Variants in RBFOX1 observed in about 807,000 individuals in gnomAD.
RBFOX1 encodes the protein RNA binding protein fox-1 homolog 1.
Under a neutral mutation model 57.7 loss-of-function variants are expected in RBFOX1, and 8 were observed. The observed-to-expected ratio is 0.14, with a 90% CI of 0.08 to 0.25. The LOEUF (loss-of-function observed/expected upper bound fraction) is 0.25, where lower values mean the gene tolerates loss of function less well. Among genes scored for constraint, RBFOX1 ranks in the 10% least tolerant of loss-of-function variants. The probability of loss-of-function intolerance (pLI) is 1.00; values close to 1 mark genes in which losing one functional copy is unlikely to be tolerated. For missense variants in RBFOX1, 611 were observed against 548.5 expected (o/e 1.11, Z -1.14); for synonymous variants, 326 against 222.4 (o/e 1.47, Z -4.15).
chr16:6,003,094 A>T lies in RBFOX1; in HGVS notation c.351+135759A>T, dbSNP rs189394223. Among the ~76,000 whole-genome samples the T allele has an allele frequency of 7.2e-5, 11 of 152,180 alleles. No individual in the cohort carries two copies. In the South Asian group the frequency reaches 1.5e-3, roughly 20 times the overall value. On this transcript the variant is annotated intron_variant, in intron 4 of 19. Coordinates refer to the RBFOX1 transcript ENST00000641259. ...GGAGATCGAGATCATCCTGGCTAAC[A>T]TGGTGAAACCCCGTCTCTACTAAAA...
At chr16:6,278,377 C>CAAAAAAAAAAAAAAAAAAAAAAAAA (rs57523660) in intron 1 of RBFOX1, among the ~76,000 whole-genome samples, 1 of 28,042 alleles carries the variant, frequency 3.6e-5, no homozygotes, top group Non-Finnish European at 6.1e-5. Flanking sequence ...TAGGACTCAC[C>CAAAAAAAAAAAAAAAAAAAAAAAAA]AAAAAAAAAA....
At chr16:7,530,099 G>A (rs559289187) in intron 5 of RBFOX1, among the ~76,000 whole-genome samples, 1 of 151,764 alleles carries the variant, frequency 6.6e-6, no homozygotes, top group Non-Finnish European at 1.5e-5. Flanking sequence ...GGATGCTTCA[G>A]TGTGACAGTG....
At chr16:7,056,462 C>G (rs1206785471) in intron 4 of RBFOX1, among the ~76,000 whole-genome samples, 1 of 152,174 alleles carries the variant, frequency 6.6e-6, no homozygotes, top group African/African-American at 2.4e-5. Context: ...TATTTACCAG[C>G]TTGTTCTAGC....
At chr16:7,504,583 C>T (rs776693465) in intron 4 of RBFOX1, among the ~76,000 whole-genome samples, 7 of 148,922 alleles carry the variant, frequency 4.7e-5, no homozygotes, top group East Asian at 2.0e-4. Context: ...TCATTGTTGC[C>T]GAAAGACTTA....
downstream of RBFOX1, among the ~76,000 whole-genome samples, chr16:5,600,358 C>T (rs922105170): frequency 4.0e-5 from 6 of 151,274 alleles, no homozygotes; most frequent in East Asian, 2.0e-4. Flanking sequence ...TGGTGTTGTG[C>T]GCCTGCAGTC....
At chr16:7,287,533 T>C (rs1049429501) in intron 4 of RBFOX1, among the ~76,000 whole-genome samples, 2 of 152,228 alleles carry the variant, frequency 1.3e-5, no homozygotes, top group Non-Finnish European at 2.9e-5. Context: ...ACCTGGGGTA[T>C]AATAGGCAAG....
At chr16:7,606,774 T>G (rs1249502761) in intron 9 of RBFOX1, among the ~76,000 whole-genome samples, 4 of 152,224 alleles carry the variant, frequency 2.6e-5, no homozygotes, top group Non-Finnish European at 5.9e-5. Context: ...CTCTAGGGGA[T>G]AAAATATCAT....
chr16:6,474,767 T>C (rs1002524420), intron 2 of RBFOX1, among the ~76,000 whole-genome samples: 5 of 152,206 alleles, frequency 3.3e-5, no homozygotes, highest in African/African-American at 9.6e-5. Context: ...TGTAAGCTTC[T>C]AGAATTCTGG....
chr16:5,840,121 C>G (rs888514785), intron 3 of RBFOX1, among the ~76,000 whole-genome samples: 1 of 152,168 alleles, frequency 6.6e-6, no homozygotes, highest in Admixed American at 6.5e-5. Flanking sequence ...TCTCTGCATC[C>G]AAAGTCAGCA....
intron 1 of RBFOX1, among the ~76,000 whole-genome samples, chr16:6,137,022 A>G (rs764270360): frequency 6.6e-6 from 1 of 152,064 alleles, no homozygotes; most frequent in Non-Finnish European, 1.5e-5. Flanking sequence ...GAAACTCCCA[A>G]CTTGCTTTTT....
At chr16:5,442,457 G>C (rs1466183983) in intron 1 of RBFOX1, among the ~76,000 whole-genome samples, 3 of 152,224 alleles carry the variant, frequency 2.0e-5, no homozygotes, top group Non-Finnish European at 4.4e-5. Flanking sequence ...GAAAAGCACA[G>C]GGTGCTGAGT....
intron 11 of RBFOX1, among the ~76,000 whole-genome samples, chr16:7,642,551 T>C (rs950951807): frequency 6.6e-6 from 1 of 152,230 alleles, no homozygotes. Flanking sequence ...TTATCTCACT[T>C]GCCCTGTTTC....
chr16:7,697,932 C>T (rs12924654), intron 14 of RBFOX1, among the ~76,000 whole-genome samples: 38,225 of 152,088 alleles, frequency 0.25, 5,103 homozygotes, highest in East Asian at 0.48. Context: ...CCCCTTCAGG[C>T]AGCAGGCATA....
chr16:5,506,875 C>A (rs558866318), intron 2 of RBFOX1, among the ~76,000 whole-genome samples: 53 of 152,186 alleles, frequency 3.5e-4, no homozygotes, highest in African/African-American at 1.3e-3. Flanking sequence ...CATTTTGATA[C>A]CCTCCATTTG....
chr16:6,041,263 T>C (rs1300100474), intron 1 of RBFOX1, among the ~76,000 whole-genome samples: 3 of 152,176 alleles, frequency 2.0e-5, no homozygotes, highest in Non-Finnish European at 4.4e-5. Context: ...ATTTCTGCCT[T>C]ATTCTGTTTG....
chr16:6,360,660 C>T lies in RBFOX1; in HGVS notation c.-64+43603C>T, dbSNP rs143375566. Among the ~76,000 whole-genome samples, 110 of 152,262 alleles carry T rather than the reference C, an allele frequency of 7.2e-4. 1 individual carries two copies. The East Asian group carries it at 0.019, about 26-fold the overall frequency. On this transcript the variant is annotated intron_variant, in intron 2 of 15. Coordinates refer to ENST00000550418, the MANE Select transcript of RBFOX1 (RefSeq NM_018723.4). The stretch of plus-strand genomic sequence containing the variant: ...AAACCCTTTGTCAAGTATATCATGC[C>T]GTTTCAGAATTATCTGAAATAATCA...
chr16:7,485,375 C>CA (rs2065115107), intron 4 of RBFOX1, among the ~76,000 whole-genome samples: 2 of 152,374 alleles, frequency 1.3e-5, no homozygotes, highest in Non-Finnish European at 2.9e-5. Flanking sequence ...CCATCCTCTG[C>CA]AGTTTACCTT....
intron 1 of RBFOX1, among the ~76,000 whole-genome samples, chr16:5,263,732 G>C (rs1397609259): frequency 6.6e-6 from 1 of 152,148 alleles, no homozygotes; most frequent in East Asian, 1.9e-4. Flanking sequence ...AAGTGATTTG[G>C]GAGAACTCAA....
chr16:7,030,113 G>T (rs959185043), intron 3 of RBFOX1, among the ~76,000 whole-genome samples: 4 of 152,174 alleles, frequency 2.6e-5, no homozygotes, highest in Non-Finnish European at 1.5e-5. Context: ...ATAATGAGTA[G>T]ATTGGCCCAT....
Sources: gnomAD v4.1 joint callset for allele counts (sites outside exome capture counted in the v4.1 genomes callset) on GRCh38, gnomAD v4.1.1 for gene constraint, MANE v1.5 for transcripts, NCBI Gene and HGNC (gene_info 2026-07-23, HGNC 2026-07-21) for gene names.